The following CHN2 variants were observed in gnomAD, a reference collection of about 807,000 sequenced individuals.
CHN2 encodes the protein chimerin 2.
Under a neutral mutation model 56.3 loss-of-function variants are expected in CHN2, and 35 were observed. The ratio of observed to expected loss-of-function variants is 0.62; its 90% confidence interval spans 0.47 to 0.82. The LOEUF (loss-of-function observed/expected upper bound fraction) is 0.82, where lower values mean the gene tolerates loss of function less well. Among genes scored for constraint, CHN2 ranks in the 40% least tolerant of loss-of-function variants. The pLI is 0.00. For synonymous variants in CHN2, 210 were observed against 212.8 expected, an observed-to-expected ratio of 0.99 and a Z score of 0.12; for missense variants, 491 against 580.5, an observed-to-expected ratio of 0.85 and a Z score of 1.58.
intron 1 of CHN2, among the ~76,000 whole-genome samples, chr7:29,211,232 A>G (rs868538438): frequency 3.4e-4 from 50 of 148,548 alleles, no homozygotes; most frequent in Middle Eastern, 7.0e-3. Flanking sequence ...CACCATGCCC[A>G]GCTAATTTTT....
chr7:29,425,737 A>G (rs1804797173), intron 6 of CHN2, among the ~76,000 whole-genome samples: 1 of 152,148 alleles, frequency 6.6e-6, no homozygotes, highest in African/African-American at 2.4e-5. Flanking sequence ...TGTATATAAA[A>G]ATAAATTATT....
chr7:29,321,912 C>T (rs913942524), intron 1 of CHN2, among the ~76,000 whole-genome samples: 8 of 152,184 alleles, frequency 5.3e-5, no homozygotes, highest in Admixed American at 6.5e-5. Flanking sequence ...GAAGGTTTAA[C>T]ACCTCCTTTG....
intron 2 of CHN2, chr7:29,146,994 G>C: frequency 6.4e-7 from 1 of 1,550,514 alleles, no homozygotes. Context: ...GTCCTGCCAA[G>C]CACTCTCCTG....
intron 1 of CHN2, among the ~76,000 whole-genome samples, chr7:29,264,007 G>A (rs1313645096): frequency 3.4e-5 from 5 of 146,500 alleles, no homozygotes; most frequent in African/African-American, 7.8e-5. Flanking sequence ...CGCCCCATCC[G>A]GGAGCTGGGG....
At chr7:29,376,439 C>G (rs140494829) in intron 3 of CHN2, 3 of 152,300 alleles carry the variant, frequency 2.0e-5, no homozygotes, top group Non-Finnish European at 2.9e-5. Flanking sequence ...GGAGTGTGAT[C>G]CCAGCATCAG....
intron 1 of CHN2, among the ~76,000 whole-genome samples, chr7:29,351,210 G>C (rs924215053): frequency 6.6e-6 from 1 of 151,900 alleles, no homozygotes; most frequent in East Asian, 1.9e-4. Context: ...ACATTGGGAG[G>C]TTCTTTAAAA....
chr7:29,486,717 G>C (rs564066434), intron 7 of CHN2, among the ~76,000 whole-genome samples: 1 of 152,086 alleles, frequency 6.6e-6, no homozygotes, highest in Non-Finnish European at 1.5e-5. Context: ...ACCCCATCGC[G>C]TGTGCTCTTG....
intron 1 of CHN2, among the ~76,000 whole-genome samples, chr7:29,341,487 G>A: frequency 6.6e-6 from 1 of 152,040 alleles, no homozygotes; most frequent in East Asian, 1.9e-4. Context: ...TATAAATAGA[G>A]ATCAATAGTA....
chr7:29,441,755 A>G (rs79481741), intron 6 of CHN2, among the ~76,000 whole-genome samples: 10,825 of 152,264 alleles, frequency 0.071, 661 homozygotes, highest in African/African-American at 0.17. Context: ...TAGGATGGCT[A>G]TAATTTTTTT....
chr7:29,450,332 G>A (rs1351181716), intron 6 of CHN2, among the ~76,000 whole-genome samples: 1 of 152,176 alleles, frequency 6.6e-6, no homozygotes, highest in Non-Finnish European at 1.5e-5. Flanking sequence ...TGGCAAAAAG[G>A]TTTATGCAGA....
At chr7:29,199,289 A>T (rs920997166) in intron 1 of CHN2, among the ~76,000 whole-genome samples, 1 of 152,234 alleles carries the variant, frequency 6.6e-6, no homozygotes, top group Non-Finnish European at 1.5e-5. Context: ...ATGTATGTCT[A>T]ACTAGAAATT....
At chr7:29,291,702 A>T (rs531570589) in intron 1 of CHN2, among the ~76,000 whole-genome samples, 1 of 152,312 alleles carries the variant, frequency 6.6e-6, no homozygotes, top group African/African-American at 2.4e-5. Flanking sequence ...TGCAATGAAC[A>T]TTCTTGTGGC....
At chr7:29,362,669 T>C in intron 2 of CHN2, among the ~76,000 whole-genome samples, 1 of 152,164 alleles carries the variant, frequency 6.6e-6, no homozygotes. Flanking sequence ...CAGTTCCTCT[T>C]TCCTCTATCT....
At chr7:29,176,376 C>T (rs1012445427) in intron 2 of CHN2, among the ~76,000 whole-genome samples, 5 of 151,886 alleles carry the variant, frequency 3.3e-5, no homozygotes, top group East Asian at 1.9e-4. Flanking sequence ...AAAAAAAATG[C>T]CAAAAAGAAA....
At chr7:29,497,475 G>GT (rs1182535883) in intron 8 of CHN2, among the ~76,000 whole-genome samples, 1 of 151,372 alleles carries the variant, frequency 6.6e-6, no homozygotes, top group Non-Finnish European at 1.5e-5. Flanking sequence ...TTTTTGTGGG[G>GT]TTTTTTTCTG....
chr7:29,466,170 C>A (rs930144231), intron 6 of CHN2, among the ~76,000 whole-genome samples: 8 of 151,752 alleles, frequency 5.3e-5, no homozygotes, highest in Non-Finnish European at 1.5e-5. Context: ...CCACTGCACT[C>A]CAGCCTGGGA....
chr7:29,193,390 G>A (rs1270763846), upstream of CHN2: 2 of 152,082 alleles, frequency 1.3e-5, no homozygotes, highest in Non-Finnish European at 2.9e-5. Flanking sequence ...GCTGTTCTGT[G>A]TCACTCCTGA....
chr7:29,175,368 G>T (rs1375999722), intron 2 of CHN2, among the ~76,000 whole-genome samples: 1 of 151,920 alleles, frequency 6.6e-6, no homozygotes. Flanking sequence ...TAGAGAGGGG[G>T]TTTCACCATA....
chr7:29,191,709 A>G (rs1782918920), upstream of CHN2: 3 of 152,394 alleles, frequency 2.0e-5, no homozygotes, highest in South Asian at 2.1e-4. Flanking sequence ...TTTCCAAACA[A>G]TTAAGATTTC....
Sources: gnomAD v4.1 joint callset for allele counts (sites outside exome capture counted in the v4.1 genomes callset) on GRCh38, gnomAD v4.1.1 for gene constraint, MANE v1.5 for transcripts, NCBI Gene and HGNC (gene_info 2026-07-23, HGNC 2026-07-21) for gene names.